Variants in ZNF777 observed in about 807,000 individuals in gnomAD.
ZNF777 encodes zinc finger protein 777.
In ZNF777, 7 loss-of-function variants were observed where a neutral mutation model predicts 72.1. The ratio of observed to expected loss-of-function variants is 0.10; its 90% CI spans 0.06 to 0.18. The LOEUF (loss-of-function observed/expected upper bound fraction) is 0.18, where lower values mean the gene tolerates loss of function less well. ZNF777 is among the 10% of genes least tolerant of loss of function. ZNF777 has a pLI of 1.00. For missense variants in ZNF777, 828 were observed against 1,128.6 expected (o/e 0.73, Z 3.82); for synonymous variants, 545 against 483.5 (o/e 1.13, Z -1.67).
At chr7:149,452,005 C>T (rs1379380287) in intron 3 of ZNF777, among the ~76,000 whole-genome samples, 3 of 152,100 alleles carry the variant, frequency 2.0e-5, no homozygotes, top group Admixed American at 2.0e-4. Context: ...GTGGCTCACG[C>T]CTGTAATCCC....
chr7:149,452,649 A>G (rs2116602019), intron 3 of ZNF777, among the ~76,000 whole-genome samples: 1 of 150,746 alleles, frequency 6.6e-6, no homozygotes, highest in East Asian at 1.9e-4. Context: ...AAAAAAAAAA[A>G]GTAAATAAAT....
At chr7:149,459,992 A>AC in intron 1 of ZNF777, 1 of 860,418 alleles carries the variant, frequency 1.2e-6, no homozygotes, top group Non-Finnish European at 1.4e-6. Flanking sequence ...GGGCGCCCCC[A>AC]CCCCCCGCGC....
chr7:149,440,417 T>C (rs768761772), intron 4 of ZNF777, among the ~76,000 whole-genome samples: 2 of 152,144 alleles, frequency 1.3e-5, no homozygotes, highest in African/African-American at 2.4e-5. Context: ...TGGAGTACAG[T>C]GGTGAGATCA....
Position 149,432,021 on chromosome 7 carries a change from C to A in ZNF777, c.2251G>T (p.Ala751Ser). ...CRVHSRERPH[A>S]CPECGKSFIR... ...AAGCTCTTGCCGCACTCGGGGCAGG[C>A]GTGCGGCCGCTCGCGCGAGTGCACG... The change falls in exon 6 of 6, where the codon GCC (alanine) becomes TCC (serine). Residue 751 changes from alanine to serine, a missense_variant. Physicochemically the swap from Ala to Ser is moderately conservative, Grantham distance 99. This residue lies in a region of ZNF777 where 49 missense variants were observed against 135.8 expected (regional missense o/e 0.36). Transcript: ENST00000247930. 1 of 1,604,574 alleles carries A rather than the reference C, an allele frequency of 6.2e-7. No homozygotes were observed.
intron 1 of ZNF777, chr7:149,459,741 C>T: frequency 1.0e-6 from 1 of 985,096 alleles, no homozygotes; most frequent in Non-Finnish European, 1.2e-6. Flanking sequence ...GGGAGAGCCG[C>T]GTCAGCGCCG....
chr7:149,438,394 GA>G (rs1799453901), intron 4 of ZNF777, among the ~76,000 whole-genome samples: 1 of 152,186 alleles, frequency 6.6e-6, no homozygotes, highest in South Asian at 2.1e-4. Flanking sequence ...TTCCCTAACA[GA>G]AGAACATTCA....
chr7:149,437,087 T>G lies in ZNF777; in HGVS notation c.1088-261A>C, dbSNP rs575738422. On this transcript the variant is annotated intron_variant, in intron 4 of 5. Coordinates refer to ENST00000247930, the MANE Select transcript of ZNF777 (RefSeq NM_015694.3). ...TGAGCTCCATAATTAAAAAAAAATA[T>G]TCAGCATTGTCAGGGTTTATTTTTA... 2.0e-5 allele frequency among the ~76,000 whole-genome samples: 3 copies of G among 152,206 alleles called. No individual in the cohort carries two copies. In the East Asian group the frequency reaches 5.8e-4, roughly 29 times the overall value.
intron 3 of ZNF777, among the ~76,000 whole-genome samples, chr7:149,451,414 G>C (rs1297561593): frequency 6.6e-6 from 1 of 152,152 alleles, no homozygotes; most frequent in African/African-American, 2.4e-5. Context: ...ATCCTGGCCG[G>C]GTGCAGTGGC....
chr7:149,448,119 T>G (rs1054612569), intron 4 of ZNF777, among the ~76,000 whole-genome samples: 2 of 152,184 alleles, frequency 1.3e-5, no homozygotes, highest in Admixed American at 6.5e-5. Flanking sequence ...TGCTAGACTC[T>G]CAGGAAGTAA....
At position 149,432,681 on chromosome 7, in the gene ZNF777, C is replaced by G. The variant is rs758942532; in HGVS notation, c.1591G>C (p.Gly531Arg). 4 of 1,612,904 alleles carry G rather than the reference C, an allele frequency of 2.5e-6. No individual in the cohort carries two copies. The highest frequency in any genetic ancestry group is 2.2e-5 in the East Asian group (1 of 44,838). ...HGERHLSENR[G>R]ASSQQQRNRR... ...TTCCGCTGCTGCTGGCTCGAGGCCC[C>G]GCGGTTCTCGCTCAGGTGCCGCTCA... The change falls in exon 6 of 6, where the codon GGG (glycine) becomes CGG (arginine). Residue 531 changes from glycine (G) to arginine (R), a missense_variant. Transcript: ENST00000247930.
chr7:149,452,190 G>A (rs1189837135), intron 3 of ZNF777, among the ~76,000 whole-genome samples: 1 of 152,036 alleles, frequency 6.6e-6, no homozygotes, highest in Non-Finnish European at 1.5e-5. Context: ...GTGTGAACCC[G>A]GGAGGCGGAG....
chr7:149,445,183 T>C (rs1799582396), intron 4 of ZNF777, among the ~76,000 whole-genome samples: 1 of 152,244 alleles, frequency 6.6e-6, no homozygotes, highest in South Asian at 2.1e-4. Context: ...AGAGTTCCTT[T>C]CTATTCCTTT....
Position 149,432,509 on chromosome 7 carries a change from T to C in ZNF777, c.1763A>G (p.Gln588Arg). Residue 588 changes from glutamine to arginine, a missense_variant, in exon 6 of 6, where the codon CAG (glutamine) becomes CGG (arginine). Around this residue, in one of 12 missense-constraint regions of ZNF777, gnomAD observed 100 missense variants for 106.2 expected, o/e 0.94. Transcript: ENST00000247930. ...ECEISFRHKQ[Q>R]LTLHQRIHRV... ...GTGGATGCGCTGGTGCAGCGTGAGC[T>C]GTTGCTTGTGCCGGAAGCTGATCTC... 6.2e-7 allele frequency: 1 copy of C among 1,613,856 alleles called. No individual in the cohort carries two copies. The highest frequency in any genetic ancestry group is 1.7e-5 in the Admixed American group (1 of 60,006).
Position 149,455,954 on chromosome 7 carries a change from G to C in ZNF777, c.69C>G (p.Ala23=), listed in dbSNP as rs756594877. 9 of 1,613,130 alleles carry C rather than the reference G, an allele frequency of 5.6e-6. No individual in the cohort carries two copies. The highest frequency in any genetic ancestry group is 4.5e-5 in the East Asian group (2 of 44,848). Residue 23 remains alanine, a synonymous_variant, in exon 2 of 6, where the codon GCC becomes GCG. Coordinates refer to ENST00000247930, the MANE Select transcript of ZNF777 (RefSeq NM_015694.3). The surrounding 1 kb of genome is among the most constrained non-coding windows in gnomAD (Gnocchi z 4.2). ...GAGTTTCTCGGGGGAGTCCAGCAGG[G>C]GCCTGACGTAAGGTTTCTTCTTGTG... ...SVPQEETLRQ[A]PAGLPRETLF... is the part of the protein sequence containing the mutation.
intron 4 of ZNF777, among the ~76,000 whole-genome samples, chr7:149,444,960 C>T (rs553990258): frequency 1.6e-3 from 245 of 152,290 alleles, no homozygotes; most frequent in African/African-American, 5.6e-3. Flanking sequence ...TAATTCCCAC[C>T]TGTTTCTGCT....
rs58434538 is a variant in ZNF777, at chr7:149,454,565, C to G, written c.847-328G>C. ...CCGGGGAGATCCATGTGCACAGTAA[C>G]ATTTGAGACATACCGGGCTAGAGAA... is the stretch of plus-strand genomic sequence containing the variant. On this transcript the variant is annotated intron_variant, in intron 2 of 5. Transcript: ENST00000247930. Among the ~76,000 whole-genome samples, 1,130 of 152,260 alleles carry G rather than the reference C, an allele frequency of 7.4e-3. 14 individuals are homozygous for G. Among genetic ancestry groups the G allele is most frequent in the African/African-American group, 0.026 (1,081 of 41,520 alleles).
At position 149,436,698 on chromosome 7, in the gene ZNF777, G is replaced by A. The variant is rs981596467; in HGVS notation, c.1216C>T (p.Pro406Ser). ...HGFQDSELGD[P>S]CGEQPDLDMQ... is the part of the protein sequence containing the mutation. ...TCCAGGTCTGGCTGTTCCCCACAGG[G>A]GTCACCCAGCTCTGAGTCCTGGAAG... The change falls in exon 5 of 6, where the codon CCC (proline) becomes TCC (serine). Residue 406 changes from proline (P) to serine (S), a missense_variant. Physicochemically the swap from Pro to Ser is moderately conservative, Grantham distance 74. Around this residue, in one of 12 missense-constraint regions of ZNF777, gnomAD observed 219 missense variants for 223.0 expected, o/e 0.98. Transcript: ENST00000247930. This position sits in a 1 kb window ranked among gnomAD's most constrained non-coding sequence, Gnocchi z 5.0. 2.5e-6 allele frequency: 4 copies of A among 1,614,010 alleles called. No individual in the cohort carries two copies. Among genetic ancestry groups the A allele is most frequent in the Admixed American group, 3.3e-5 (2 of 59,994 alleles).
At chr7:149,448,729 T>G (rs1341140927) in intron 4 of ZNF777, among the ~76,000 whole-genome samples, 1 of 151,678 alleles carries the variant, frequency 6.6e-6, no homozygotes, top group African/African-American at 2.4e-5. Context: ...CCATGCCTTC[T>G]GGTTCGCTTT....
intron 4 of ZNF777, among the ~76,000 whole-genome samples, chr7:149,446,362 C>T (rs549743882): frequency 2.6e-5 from 4 of 151,512 alleles, no homozygotes; most frequent in African/African-American, 4.9e-5. Flanking sequence ...GCAACAAGAG[C>T]GAAACTCCAT....
Sources: gnomAD v4.1 joint callset for allele counts (sites outside exome capture counted in the v4.1 genomes callset) on GRCh38, gnomAD v4.1.1 for gene constraint, gnomAD v4.1.1 regional missense constraint, Gnocchi (gnomAD v3.1) non-coding constraint, MANE v1.5 for transcripts, NCBI Gene and HGNC (gene_info 2026-07-23, HGNC 2026-07-21) for gene names.